The following MGAT3 variants were observed in gnomAD, a reference collection of about 807,000 sequenced individuals.
MGAT3 encodes beta-1,4-mannosyl-glycoprotein 4-beta-N-acetylglucosaminyltransferase.
In MGAT3, 9 loss-of-function variants were observed where a neutral mutation model predicts 29.8. The ratio of observed to expected loss-of-function variants is 0.30; its 90% CI spans 0.18 to 0.53. The LOEUF is 0.53. Ranked by LOEUF, MGAT3 falls within the 20% of genes least tolerant of loss-of-function variation. The pLI is 0.96. For synonymous variants in MGAT3, 397 were observed against 348.9 expected (o/e 1.14, Z -1.54); for missense variants, 557 against 769.5 (o/e 0.72, Z 3.27).
At chr22:39,475,438 C>T (rs775021796) in intron 1 of MGAT3, among the ~76,000 whole-genome samples, 1 of 152,114 alleles carries the variant, frequency 6.6e-6, no homozygotes, top group African/African-American at 2.4e-5. Context: ...CCTCCCCTCC[C>T]GAGGTCTCCT....
chr22:39,480,042 G>A (rs1055888270), intron 1 of MGAT3, among the ~76,000 whole-genome samples: 2 of 152,176 alleles, frequency 1.3e-5, no homozygotes, highest in African/African-American at 4.8e-5. Context: ...GGCTGAGAGA[G>A]GTCAGGTGAC....
In MGAT3 at chr22:39,484,536, C is replaced by G. The variant is rs112749306; in HGVS notation, c.-1-2811C>G. On this transcript the variant is annotated intron_variant, in intron 1 of 1. Transcript: ENST00000341184. ...TACAGGTGCCCACCACCATGACTAG[C>G]TAATTTTTGTATTTTTAGTAGTGAC... Among the ~76,000 whole-genome samples, 564 of 152,072 alleles carry G rather than the reference C, an allele frequency of 3.7e-3. 3 individuals carry two copies. Among genetic ancestry groups the G allele is most frequent in the African/African-American group, 0.012 (507 of 41,506 alleles).
chr22:39,471,153 T>C (rs750503431), intron 1 of MGAT3, among the ~76,000 whole-genome samples: 4 of 151,934 alleles, frequency 2.6e-5, no homozygotes, highest in Non-Finnish European at 5.9e-5. Flanking sequence ...GCCCTGGGGG[T>C]GGGGGCAGGG....
At chr22:39,461,641 G>A (rs1272095993) in intron 1 of MGAT3, among the ~76,000 whole-genome samples, 2 of 152,052 alleles carry the variant, frequency 1.3e-5, no homozygotes, top group African/African-American at 4.8e-5. Flanking sequence ...ACTGTCCCCT[G>A]TAACTCTGTT....
chr22:39,483,804 C>G (rs1403602274), intron 1 of MGAT3, among the ~76,000 whole-genome samples: 1 of 152,258 alleles, frequency 6.6e-6, no homozygotes, highest in Non-Finnish European at 1.5e-5. Flanking sequence ...CAGTGGCGAA[C>G]AGCCCCAGCT....
rs549800989 is a variant in MGAT3, at chr22:39,464,475, T to C, written c.-2+6918T>C. On this transcript the variant is annotated intron_variant, in intron 1 of 1. Coordinates refer to ENST00000341184, the MANE Select transcript of MGAT3 (RefSeq NM_002409.5). ...TTTTTTTTGAGACGGAGTTTCACTG[T>C]GTCACCCAGGCTGGAGTGCAGTGGC... 8.5e-5 allele frequency among the ~76,000 whole-genome samples: 13 copies of C among 152,050 alleles called. 1 individual carries two copies. In the South Asian group the frequency reaches 2.7e-3, roughly 32 times the overall value.
chr22:39,477,104 C>T (rs1277119283), intron 1 of MGAT3, among the ~76,000 whole-genome samples: 1 of 152,210 alleles, frequency 6.6e-6, no homozygotes, highest in Non-Finnish European at 1.5e-5. Context: ...CTGCCATACC[C>T]CAGGGAAGGA....
intron 1 of MGAT3, among the ~76,000 whole-genome samples, chr22:39,471,302 G>A (rs1204328466): frequency 2.0e-5 from 3 of 152,170 alleles, no homozygotes; most frequent in Admixed American, 2.0e-4. Context: ...CCCGAAGTAT[G>A]GGGGTCTCGA....
chr22:39,487,775 C>A lies in MGAT3; in HGVS notation c.428C>A (p.Ser143Tyr). The A allele has an allele frequency of 6.7e-7, 1 of 1,497,334 alleles. No individual in the cohort carries two copies. The highest frequency in any genetic ancestry group is 8.9e-7 in the Non-Finnish European group (1 of 1,126,092). 92.8% of individuals were successfully genotyped at this position (1,497,334 alleles called of 1,614,324 possible). ...PEEKPEGANG[S>Y]SARRPPRYLL... ...GAGAAGCCTGAGGGGGCCAACGGCT[C>A]CTCGGCCCGGCGGCCACCCCGGTAC... The change falls in exon 2 of 2, where the codon TCC becomes TAC. Residue 143 changes from serine (S) to tyrosine (Y), a missense_variant. Transcript: ENST00000341184. The surrounding 1 kb of genome is among the most constrained non-coding windows in gnomAD (Gnocchi z 5.7).
chr22:39,461,102 G>A (rs558994961), intron 1 of MGAT3, among the ~76,000 whole-genome samples: 4 of 152,258 alleles, frequency 2.6e-5, no homozygotes, highest in East Asian at 3.9e-4. Context: ...TGAGTTGGCC[G>A]ATCGCTGTGC....
chr22:39,488,260 C>T lies in MGAT3; in HGVS notation c.913C>T (p.Arg305Cys), dbSNP rs1175904907. 6.2e-7 allele frequency: 1 copy of T among 1,611,440 alleles called. No individual in the cohort carries two copies. The highest frequency in any genetic ancestry group is 8.5e-7 in the Non-Finnish European group (1 of 1,179,886). Residue 305 changes from arginine (R) to cysteine (C), a missense_variant, in exon 2 of 2, where the codon CGC (arginine) becomes TGC (cysteine). Around this residue, in one of 3 missense-constraint regions of MGAT3, gnomAD observed 243 missense variants for 444.0 expected, o/e 0.55. Transcript: ENST00000341184. ...FLTQDGVSRL[R>C]NLRPDDVFII... is the part of the protein sequence containing the mutation. ...CACCCAGGACGGCGTCTCGCGGCTGCGCAACCTGCGGCCCGACGACGTCTT... is the reference window on the plus strand; with the variant it reads ...CACCCAGGACGGCGTCTCGCGGCTGTGCAACCTGCGGCCCGACGACGTCTT...
chr22:39,488,310 C>A lies in MGAT3; in HGVS notation c.963C>A (p.Ile321=). Reference sequence around the variant, plus strand: ...TCATCATTGACGATGCGGACGAGATCCCGGCCCGTGACGGCGTCCTTTTCC... The same window carrying A: ...TCATCATTGACGATGCGGACGAGATACCGGCCCGTGACGGCGTCCTTTTCC... ...DVFIIDDADE[I]PARDGVLFLK... is the part of the protein sequence containing the mutation. The change falls in exon 2 of 2, where the codon ATC becomes ATA. Residue 321 remains isoleucine (I), a synonymous_variant. Coordinates refer to ENST00000341184, the MANE Select transcript of MGAT3 (RefSeq NM_002409.5). The A allele has an allele frequency of 6.2e-7, 1 of 1,611,968 alleles. No individual in the cohort carries two copies.
intron 1 of MGAT3, among the ~76,000 whole-genome samples, chr22:39,472,353 C>T (rs1044928477): frequency 6.6e-6 from 1 of 152,150 alleles, no homozygotes; most frequent in Non-Finnish European, 1.5e-5. Context: ...CCCGCCGTGC[C>T]GAGAGTGTAT....
intron 1 of MGAT3, among the ~76,000 whole-genome samples, chr22:39,473,168 C>T (rs1353164946): frequency 3.9e-5 from 6 of 152,178 alleles, no homozygotes; most frequent in African/African-American, 1.4e-4. Context: ...ATGTGCTGTC[C>T]TCTCATTCCC....
chr22:39,476,189 G>A (rs984627591), intron 1 of MGAT3, among the ~76,000 whole-genome samples: 4 of 152,118 alleles, frequency 2.6e-5, no homozygotes, highest in Admixed American at 2.6e-4. Flanking sequence ...GACTGGAGGT[G>A]GGGGAGGGGT....
At chr22:39,481,825 A>G (rs1929134863) in intron 1 of MGAT3, among the ~76,000 whole-genome samples, 1 of 152,204 alleles carries the variant, frequency 6.6e-6, no homozygotes, top group South Asian at 2.1e-4. Flanking sequence ...CGGTTTCCTT[A>G]TACAAGGGTA....
Position 39,489,191 on chromosome 22 carries a change from T to A in MGAT3, c.*242T>A. ...GTGACGTCTGGGTGGCCCTTATGAC[T>A]GCCAAGACTGCTGTGGCCAGGAGGT... On this transcript the variant is annotated 3_prime_UTR_variant, in exon 2 of 2. Coordinates refer to ENST00000341184, the MANE Select transcript of MGAT3 (RefSeq NM_002409.5). 1 of 612,230 alleles carries A rather than the reference T, an allele frequency of 1.6e-6. No homozygotes were observed. The highest frequency in any genetic ancestry group is 2.9e-6 in the Non-Finnish European group (1 of 344,024). 37.9% of individuals were successfully genotyped at this position (612,230 alleles called of 1,614,324 possible). A position where few individuals can be genotyped will look rare whatever the true frequency, so the allele number is the denominator to read the frequency against.
At chr22:39,468,692 G>A (rs533979668) in intron 1 of MGAT3, among the ~76,000 whole-genome samples, 5 of 150,072 alleles carry the variant, frequency 3.3e-5, no homozygotes, top group African/African-American at 5.1e-5. Context: ...TGGATTTGGC[G>A]TGGTCATTTA....
rs115334954 is a variant in MGAT3 at position 39,480,579 on chromosome 22, C to T, written c.-1-6768C>T. On this transcript the variant is annotated intron_variant, in intron 1 of 1. Coordinates refer to ENST00000341184, the MANE Select transcript of MGAT3 (RefSeq NM_002409.5). ...CCATCCCTCAGGTGAAGCTTCTAGA[C>T]AGCATGCTGCAGAGAGGACCTGAGG... is the stretch of plus-strand genomic sequence containing the variant. 5.2e-3 allele frequency among the ~76,000 whole-genome samples: 797 copies of T among 152,120 alleles called. 5 individuals are homozygous for T. The highest frequency in any genetic ancestry group is 0.019 in the African/African-American group (772 of 41,512).
Sources: gnomAD v4.1 joint callset for allele counts (sites outside exome capture counted in the v4.1 genomes callset) on GRCh38, gnomAD v4.1.1 for gene constraint, gnomAD v4.1.1 regional missense constraint, Gnocchi (gnomAD v3.1) non-coding constraint, MANE v1.5 for transcripts, NCBI Gene and HGNC (gene_info 2026-07-23, HGNC 2026-07-21) for gene names.